Variants in RNF13 observed in about 807,000 individuals in gnomAD.
The protein encoded by RNF13 is ring finger protein 13, also known as E3 ubiquitin-protein ligase RNF13.
RNF13 carries 19 observed loss-of-function variants against 37.7 expected under a neutral mutation model. That is an observed-to-expected ratio of 0.50 (90% CI 0.35 to 0.74). The LOEUF is 0.74. Among genes scored for constraint, RNF13 ranks in the 30% least tolerant of loss-of-function variants. The pLI is 0.01. For synonymous variants in RNF13, 144 were observed against 157.8 expected (o/e 0.91, Z 0.65); for missense variants, 375 against 453.0 (o/e 0.83, Z 1.56).
At chr3:149,852,036 A>G (rs1459858296) in intron 2 of RNF13, among the ~76,000 whole-genome samples, 3 of 152,212 alleles carry the variant, frequency 2.0e-5, no homozygotes, top group South Asian at 2.1e-4. Flanking sequence ...CTGGATAAAA[A>G]TGTTCAGCTT....
intron 6 of RNF13, among the ~76,000 whole-genome samples, chr3:149,910,031 A>ATGCAATAG (rs1716827333): frequency 6.6e-6 from 1 of 152,092 alleles, no homozygotes; most frequent in Non-Finnish European, 1.5e-5. Context: ...AATTTAGGAT[A>ATGCAATAG]TGCAATAGTC....
intron 7 of RNF13, among the ~76,000 whole-genome samples, chr3:149,920,363 G>A (rs1486540352): frequency 1.3e-5 from 2 of 152,128 alleles, no homozygotes; most frequent in African/African-American, 4.8e-5. Context: ...AGCCGCCCAA[G>A]TAGCTGGAAC....
chr3:149,848,284 T>C (rs1471612074), intron 2 of RNF13, among the ~76,000 whole-genome samples: 1 of 152,166 alleles, frequency 6.6e-6, no homozygotes, highest in Non-Finnish European at 1.5e-5. Context: ...ACTTGTGGAA[T>C]GTATGTTGAT....
chr3:149,957,755 A>G (rs886961861), intron 8 of RNF13, among the ~76,000 whole-genome samples: 13 of 152,224 alleles, frequency 8.5e-5, no homozygotes, highest in African/African-American at 3.1e-4. Context: ...AATCTTCACA[A>G]CAACCCTAAT....
intron 8 of RNF13, 124 bp from the exon 9 acceptor site, chr3:149,959,932 G>A: frequency 1.6e-6 from 1 of 625,848 alleles, no homozygotes; most frequent in Non-Finnish European, 2.8e-6. Flanking sequence ...TAGATAAGCA[G>A]ATCCTTGAGT....
chr3:149,820,353 G>A (rs568988088), intron 1 of RNF13, among the ~76,000 whole-genome samples: 57 of 151,674 alleles, frequency 3.8e-4, no homozygotes, highest in East Asian at 3.5e-3. Context: ...CTCCCTGCCC[G>A]GGCTCTGTTT....
At chr3:149,845,854 A>G (rs1722593223) in intron 1 of RNF13, 157 bp from the exon 2 acceptor site, 1 of 537,696 alleles carries the variant, frequency 1.9e-6, no homozygotes, top group African/African-American at 1.9e-5. Context: ...AAATCTGTGT[A>G]AGTTCTTATG....
chr3:149,831,550 C>A (rs6795468), intron 1 of RNF13, among the ~76,000 whole-genome samples: 2,402 of 152,248 alleles, frequency 0.016, 60 homozygotes, highest in African/African-American at 0.055. Context: ...ATGCCTGTCC[C>A]CTCATTGTAT....
intron 2 of RNF13, chr3:149,851,546 A>G (rs777680151): frequency 6.6e-6 from 1 of 152,148 alleles, no homozygotes. Context: ...ATCTTTTCTT[A>G]TCTATATATA....
chr3:149,892,016 T>A (rs1302246243), intron 4 of RNF13, among the ~76,000 whole-genome samples: 4 of 152,230 alleles, frequency 2.6e-5, no homozygotes, highest in African/African-American at 4.8e-5. Flanking sequence ...GTTCTTTGAT[T>A]TAATTTCATT....
Position 149,955,139 on chromosome 3 carries a change from A to C in RNF13, c.701-4917A>C, listed in dbSNP as rs115247837. Among the ~76,000 whole-genome samples, 1,127 of 152,268 alleles carry C rather than the reference A, an allele frequency of 7.4e-3. 11 individuals carry two copies. The highest frequency in any genetic ancestry group is 0.026 in the African/African-American group (1,097 of 41,576). ...ACCAGGCATTTTTCCTTTATGGCTT[A>C]ATCATTGAGATTTTTGAAGATTATA... On this transcript the variant is annotated intron_variant, in intron 8 of 9. Coordinates refer to ENST00000392894, the MANE Select transcript of RNF13 (RefSeq NM_183381.3).
intron 9 of RNF13, 52 bp from the exon 10 acceptor site, chr3:149,960,681 TAAATATA>T: frequency 1.3e-6 from 2 of 1,488,870 alleles, no homozygotes; most frequent in Non-Finnish European, 1.8e-6. Context: ...GGCAAGAGAT[TAAATATA>T]AAAGTATCAA....
chr3:149,825,269 T>C (rs974927792), intron 1 of RNF13, among the ~76,000 whole-genome samples: 11 of 152,150 alleles, frequency 7.2e-5, no homozygotes, highest in Admixed American at 2.6e-4. Flanking sequence ...CTCTGCCTCC[T>C]GGGCTCAAGT....
chr3:149,827,684 T>TA (rs1464257212), intron 1 of RNF13, among the ~76,000 whole-genome samples: 2 of 152,038 alleles, frequency 1.3e-5, no homozygotes, highest in African/African-American at 4.8e-5. Flanking sequence ...CATATTATAA[T>TA]AAAAAAAGGA....
intron 8 of RNF13, among the ~76,000 whole-genome samples, chr3:149,957,538 C>T (rs1721979448): frequency 6.6e-6 from 1 of 152,176 alleles, no homozygotes. Flanking sequence ...GGTTCAATGA[C>T]CACTGCCACT....
intron 8 of RNF13, among the ~76,000 whole-genome samples, chr3:149,928,004 CTTTTTTTTT>C (rs766839142): frequency 9.0e-6 from 1 of 111,200 alleles, no homozygotes; most frequent in Non-Finnish European, 1.9e-5. Flanking sequence ...AAGCAAAAAC[CTTTTTTTTT>C]TTTTTTTTTT....
chr3:149,889,297 G>GTGTT (rs1450345407), intron 4 of RNF13, among the ~76,000 whole-genome samples: 12 of 146,266 alleles, frequency 8.2e-5, no homozygotes, highest in African/African-American at 3.1e-4. Flanking sequence ...GTGTGCGTGT[G>GTGTT]TGTGTGTGTG....
chr3:149,818,072 CAG>C (rs1719645617), intron 1 of RNF13, among the ~76,000 whole-genome samples: 1 of 152,138 alleles, frequency 6.6e-6, no homozygotes, highest in Non-Finnish European at 1.5e-5. Context: ...AGTAAACCAA[CAG>C]AAAAATGTTG....
At chr3:149,853,890 A>ACAGTGG (rs1464588787) in intron 3 of RNF13, among the ~76,000 whole-genome samples, 4 of 144,556 alleles carry the variant, frequency 2.8e-5, no homozygotes, top group African/African-American at 1.0e-4. Flanking sequence ...AGACTGGAGC[A>ACAGTGG]CAGTGGCACA....
Sources: allele counts gnomAD v4.1 joint callset (sites outside exome capture counted in the v4.1 genomes callset), GRCh38; gene constraint gnomAD v4.1.1; transcripts MANE v1.5; gene names NCBI Gene and HGNC (gene_info 2026-07-23, HGNC 2026-07-21).